The following PAIP1 variants were observed in gnomAD, a reference collection of about 807,000 sequenced individuals.
The protein encoded by PAIP1 is polyadenylate-binding protein-interacting protein 1.
A neutral mutation model predicts 61.3 loss-of-function variants in PAIP1; 16 were observed. That is an observed-to-expected ratio of 0.26 (90% CI 0.18 to 0.40). The LOEUF (loss-of-function observed/expected upper bound fraction) is 0.40. Ranked by LOEUF, PAIP1 falls within the 10% of genes least tolerant of loss-of-function variation. The probability of loss-of-function intolerance (pLI) is 1.00; values close to 1 mark genes in which losing one functional copy is unlikely to be tolerated. For missense variants in PAIP1, 416 were observed against 600.9 expected, an observed-to-expected ratio of 0.69 and a Z score of 3.22; for synonymous variants, 187 against 226.2, an observed-to-expected ratio of 0.83 and a Z score of 1.56.
At chr5:43,528,002 TTTGAGATCATCTATTCCAG>T (rs1237610844) in intron 10 of PAIP1, among the ~76,000 whole-genome samples, 1 of 152,204 alleles carries the variant, frequency 6.6e-6, no homozygotes, top group East Asian at 1.9e-4. Flanking sequence ...GGAAGCTACT[TTTGAGATCATCTATTCCAG>T]ATTTTTTTCC....
intron 9 of PAIP1, among the ~76,000 whole-genome samples, chr5:43,533,100 C>G (rs1747007921): frequency 6.6e-6 from 1 of 152,198 alleles, no homozygotes; most frequent in African/African-American, 2.4e-5. Flanking sequence ...AAAAAAACTT[C>G]TCTGTGCTAG....
At chr5:43,542,840 C>A (rs962931656) in intron 4 of PAIP1, among the ~76,000 whole-genome samples, 164 bp downstream of exon 4, 3 of 152,114 alleles carry the variant, frequency 2.0e-5, no homozygotes, top group Non-Finnish European at 2.9e-5. Context: ...CAGACCATTA[C>A]AGAAAAAAGA....
rs1561226118 is a variant in PAIP1, at chr5:43,527,359, T to C, written c.*17A>G. 4 of 1,575,658 alleles carry C rather than the reference T, an allele frequency of 2.5e-6. No homozygotes were observed. Among genetic ancestry groups the C allele is most frequent in the Admixed American group, 1.9e-5 (1 of 53,330 alleles). Reference sequence around the variant, plus strand: ...TACCTAAACTGCTTTATAAAACTGATATGCTGAAATTTAACTTTACTGTTT... The same window carrying C: ...TACCTAAACTGCTTTATAAAACTGACATGCTGAAATTTAACTTTACTGTTT... On this transcript the variant is annotated 3_prime_UTR_variant, in exon 11 of 11. Transcript: ENST00000306846.
At chr5:43,552,301 GATAA>G (rs1266933378) in intron 2 of PAIP1, among the ~76,000 whole-genome samples, 1 of 152,278 alleles carries the variant, frequency 6.6e-6, no homozygotes, top group Non-Finnish European at 1.5e-5. Flanking sequence ...ATTCGCATGA[GATAA>G]ATAATTCTTA....
At chr5:43,530,473 C>T (rs1666576651) in intron 9 of PAIP1, among the ~76,000 whole-genome samples, 1 of 152,150 alleles carries the variant, frequency 6.6e-6, no homozygotes. Context: ...TTATGAAGTC[C>T]TAACCTCTGA....
At chr5:43,538,744 G>T (rs1379935833) in intron 5 of PAIP1, among the ~76,000 whole-genome samples, 180 bp downstream of exon 5, 1 of 152,200 alleles carries the variant, frequency 6.6e-6, no homozygotes, top group Admixed American at 6.5e-5. Flanking sequence ...ATGAGTAAAT[G>T]TTATGGACAG....
At chr5:43,544,412 C>A (rs1747549496) in intron 3 of PAIP1, among the ~76,000 whole-genome samples, 1 of 152,066 alleles carries the variant, frequency 6.6e-6, no homozygotes, top group Admixed American at 6.6e-5. Context: ...CCATTATTGG[C>A]ACTGCATGTT....
At chr5:43,550,388 TACTG>T (rs1747814515) in intron 2 of PAIP1, among the ~76,000 whole-genome samples, 1 of 112,100 alleles carries the variant, frequency 8.9e-6, no homozygotes, top group African/African-American at 3.8e-5. Flanking sequence ...TCTAGGAGAA[TACTG>T]AGTCATATTC....
In PAIP1 at chr5:43,556,790, C is replaced by G; in HGVS notation, c.57G>C (p.Leu19=). ...PGAGRGRSRG[L]GRGGGGPEGG... ...CCTCAGGCCCGCCCCCTCCGCGGCCCAGGCCCCGGCTCCGGCCCCGACCAG... is the reference window on the plus strand; with the variant it reads ...CCTCAGGCCCGCCCCCTCCGCGGCCGAGGCCCCGGCTCCGGCCCCGACCAG... The change falls in exon 1 of 11, where the codon CTG becomes CTC. Residue 19 remains leucine, a synonymous_variant. Transcript: ENST00000306846. 6.9e-7 allele frequency: 1 copy of G among 1,451,960 alleles called. No homozygotes were observed. The allele number at this position is 1,451,960 out of a possible 1,614,324, so 89.9% of individuals were successfully genotyped here.
intron 3 of PAIP1, among the ~76,000 whole-genome samples, chr5:43,545,716 T>C (rs111313727): frequency 6.6e-6 from 1 of 152,250 alleles, no homozygotes; most frequent in African/African-American, 2.4e-5. Flanking sequence ...AAAATCCCCA[T>C]AGCATCATTT....
rs956958140 is a variant in PAIP1, at chr5:43,557,075, T to C, written c.-229A>G. ...CGCCCCGCTCGGCTACCCTCGGCTT[T>C]CCAGTTCTCCCCCAAAACCCGGCTC... On this transcript the variant is annotated 5_prime_UTR_variant, in exon 1 of 11. Transcript: ENST00000306846. 13 of 774,930 alleles carry C rather than the reference T, an allele frequency of 1.7e-5. No individual in the cohort carries two copies. Among genetic ancestry groups the C allele is most frequent in the Non-Finnish European group, 2.3e-5 (13 of 572,932 alleles). 48.0% of individuals were successfully genotyped at this position (774,930 alleles called of 1,614,324 possible). A position where few individuals can be genotyped will look rare whatever the true frequency, so the allele number is the denominator to read the frequency against.
intron 1 of PAIP1, 177 bp downstream of exon 1, chr5:43,556,405 A>T: frequency 8.1e-7 from 1 of 1,228,678 alleles, no homozygotes; most frequent in South Asian, 4.2e-5. Flanking sequence ...ATTCCAGCAG[A>T]CACCTTCCAA....
intron 3 of PAIP1, 129 bp downstream of exon 3, chr5:43,547,599 T>C (rs1747691418): frequency 1.6e-6 from 1 of 625,246 alleles, no homozygotes; most frequent in African/African-American, 1.8e-5. Context: ...GACTTAGAAC[T>C]CCCGGAAACT....
chr5:43,544,538 G>C (rs913511147), intron 3 of PAIP1, among the ~76,000 whole-genome samples: 20 of 152,202 alleles, frequency 1.3e-4, no homozygotes, highest in Admixed American at 1.3e-3. Context: ...AACCACTTTT[G>C]ACTTCTTCAG....
intron 2 of PAIP1, among the ~76,000 whole-genome samples, chr5:43,553,228 T>C (rs1484999926): frequency 6.6e-6 from 1 of 152,142 alleles, no homozygotes; most frequent in Non-Finnish European, 1.5e-5. Flanking sequence ...AGCAACTCAC[T>C]GGTAAGAAGA....
At chr5:43,544,918 T>A (rs1293025453) in intron 3 of PAIP1, among the ~76,000 whole-genome samples, 1 of 152,236 alleles carries the variant, frequency 6.6e-6, no homozygotes. Flanking sequence ...TACGGGATAC[T>A]CAACTTACAG....
rs1747084409 is a variant in PAIP1 at position 43,534,903 on chromosome 5, T to C, written c.1147A>G (p.Thr383Ala). The C allele has an allele frequency of 1.1e-5, 17 of 1,608,156 alleles. No individual in the cohort carries two copies. The highest frequency in any genetic ancestry group is 1.3e-5 in the Non-Finnish European group (15 of 1,174,976). ...GGTGTTGCTTCTCTATATGTTGAAGTTGCATGGACTCTGCCCCAGTTACTT... is the reference window on the plus strand; with the variant it reads ...GGTGTTGCTTCTCTATATGTTGAAGCTGCATGGACTCTGCCCCAGTTACTT... Reference protein sequence around the residue: ...RSSNWGRVHATSTYREATPEN... With the variant: ...RSSNWGRVHAASTYREATPEN... Residue 383 changes from threonine (T) to alanine (A), a missense_variant, in exon 8 of 11, where the codon ACT becomes GCT. Thr to Ala is a moderately conservative substitution (Grantham distance 58). Around this residue, in one of 4 missense-constraint regions of PAIP1, gnomAD observed 135 missense variants for 283.9 expected, o/e 0.48. Transcript: ENST00000306846.
In PAIP1 at chr5:43,557,050, C is replaced by G; in HGVS notation, c.-204G>C. ...CGAGCACCCGCCGCTCCAGAGCGCC[C>G]GCCCCGCTCGGCTACCCTCGGCTTT... On this transcript the variant is annotated 5_prime_UTR_variant, in exon 1 of 11. Transcript: ENST00000306846. The G allele has an allele frequency of 1.1e-6, 1 of 940,664 alleles. No individual in the cohort carries two copies. The highest frequency in any genetic ancestry group is 1.4e-6 in the Non-Finnish European group (1 of 720,070). 58.3% of individuals were successfully genotyped at this position (940,664 alleles called of 1,614,324 possible).
At chr5:43,550,849 A>AAAAAAAAAAAAAAAG in intron 2 of PAIP1, among the ~76,000 whole-genome samples, 1 of 123,654 alleles carries the variant, frequency 8.1e-6, no homozygotes, top group African/African-American at 3.6e-5. Context: ...AAAAAAAAAA[A>AAAAAAAAAAAAAAAG]AAAAAAAAAA....
Sources: gnomAD v4.1 joint callset for allele counts (sites outside exome capture counted in the v4.1 genomes callset) on GRCh38, gnomAD v4.1.1 for gene constraint, gnomAD v4.1.1 regional missense constraint, MANE v1.5 for transcripts, NCBI Gene and HGNC (gene_info 2026-07-23, HGNC 2026-07-21) for gene names.